DOCK2: variants seen among roughly 807,000 people sequenced by gnomAD.
DOCK2 encodes dedicator of cytokinesis protein 2.
In DOCK2, 87 loss-of-function variants were observed where a neutral mutation model predicts 248.9. That is an observed-to-expected ratio of 0.35 (90% CI 0.29 to 0.42). The LOEUF is 0.42. Ranked by LOEUF, DOCK2 falls within the 10% of genes least tolerant of loss-of-function variation. DOCK2 has a pLI of 1.00. For missense variants in DOCK2, 1,747 were observed against 2,300.2 expected (o/e 0.76, Z 4.92); for synonymous variants, 805 against 821.6 (o/e 0.98, Z 0.35).
chr5:169,876,957 G>A (rs1483161779), intron 27 of DOCK2, among the ~76,000 whole-genome samples: 1 of 152,204 alleles, frequency 6.6e-6, no homozygotes, highest in Non-Finnish European at 1.5e-5. Flanking sequence ...GCCATTTGCT[G>A]AAGGAAAGAA....
At chr5:170,037,848 G>T (rs778088493) in intron 36 of DOCK2, among the ~76,000 whole-genome samples, 1 of 152,150 alleles carries the variant, frequency 6.6e-6, no homozygotes, top group Non-Finnish European at 1.5e-5. Context: ...GAGCCCTTGA[G>T]GTAGAGTCAA....
chr5:170,038,870 C>T (rs999235083), intron 36 of DOCK2, among the ~76,000 whole-genome samples: 5 of 152,164 alleles, frequency 3.3e-5, no homozygotes, highest in Admixed American at 2.6e-4. Flanking sequence ...TTTTTGAACT[C>T]AGCCATCTAG....
chr5:169,729,412 G>A (rs1287293658), intron 22 of DOCK2, among the ~76,000 whole-genome samples: 4 of 152,140 alleles, frequency 2.6e-5, no homozygotes. Context: ...AGATTGAAAA[G>A]GACTTCATCA....
intron 27 of DOCK2, among the ~76,000 whole-genome samples, chr5:169,921,651 G>T (rs1775178773): frequency 6.6e-6 from 1 of 152,148 alleles, no homozygotes; most frequent in Non-Finnish European, 1.5e-5. Context: ...TCATCAAAGA[G>T]CCCTTACAGA....
intron 1 of DOCK2, among the ~76,000 whole-genome samples, chr5:169,650,912 G>T (rs1030202126): frequency 2.6e-4 from 39 of 152,190 alleles, no homozygotes; most frequent in African/African-American, 8.7e-4. Context: ...GAGTATTTGC[G>T]GGAATGGCCG....
rs115189414 is a variant in DOCK2 at position 169,898,616 on chromosome 5, A to G, written c.2799+57764A>G. On this transcript the variant is annotated intron_variant, in intron 27 of 51. Coordinates refer to ENST00000520908, the MANE Select transcript of DOCK2 (RefSeq NM_004946.3). Reference sequence around the variant, plus strand: ...AAAGAATGACAGTTAAGCTCTTAACATAGTGTCTATCTTATCTACTATATC... The same window carrying G: ...AAAGAATGACAGTTAAGCTCTTAACGTAGTGTCTATCTTATCTACTATATC... Among the ~76,000 whole-genome samples the G allele has an allele frequency of 9.5e-4, 145 of 152,342 alleles. 1 individual carries two copies. The highest frequency in any genetic ancestry group is 3.4e-3 in the African/African-American group (141 of 41,580).
chr5:169,794,553 C>G (rs261608), intron 25 of DOCK2, among the ~76,000 whole-genome samples: 1 of 151,962 alleles, frequency 6.6e-6, no homozygotes, highest in Non-Finnish European at 1.5e-5. Flanking sequence ...TATTGCATGT[C>G]GACTCTCAGA....
chr5:169,730,778 A>G (rs1284605362), intron 22 of DOCK2, among the ~76,000 whole-genome samples: 1 of 152,138 alleles, frequency 6.6e-6, no homozygotes, highest in Admixed American at 6.5e-5. Context: ...CACACTTACT[A>G]TTTTTAAGAG....
intron 42 of DOCK2, 94 bp from the exon 43 acceptor site, chr5:170,056,590 A>T: frequency 1.0e-6 from 1 of 983,340 alleles, no homozygotes; most frequent in Non-Finnish European, 1.6e-6. Context: ...CCTGAAGTTT[A>T]CTGTAATGAA....
intron 27 of DOCK2, chr5:169,883,209 A>C (rs17646221): frequency 0.54 from 833,161 of 1,551,010 alleles, 227,617 homozygotes; most frequent in Non-Finnish European, 0.56. Context: ...GTATGGAGTT[A>C]CTTACTTCAG....
At chr5:169,933,601 T>C (rs935773597) in intron 27 of DOCK2, among the ~76,000 whole-genome samples, 1 of 152,224 alleles carries the variant, frequency 6.6e-6, no homozygotes, top group Non-Finnish European at 1.5e-5. Flanking sequence ...GTCCAGCTCC[T>C]TCCCTTTTCT....
intron 28 of DOCK2, among the ~76,000 whole-genome samples, chr5:169,984,520 G>A (rs1350635749): frequency 6.6e-6 from 1 of 152,204 alleles, no homozygotes; most frequent in African/African-American, 2.4e-5. Context: ...AAGTGTTGAG[G>A]TAGTTTTCCC....
In DOCK2 at chr5:169,824,752, C is replaced by T. The variant is rs531467287; in HGVS notation, c.2704-16005C>T. On this transcript the variant is annotated intron_variant, in intron 26 of 51. Coordinates refer to ENST00000520908, the MANE Select transcript of DOCK2 (RefSeq NM_004946.3). ...CCTAAAACACCAAAAGCAATGGCAA[C>T]GAAAGCCAAAATTGACAAATGCAAT... 1.5e-4 allele frequency among the ~76,000 whole-genome samples: 23 copies of T among 152,312 alleles called. No homozygotes were observed. In the East Asian group the frequency reaches 3.3e-3, roughly 22 times the overall value.
intron 8 of DOCK2, among the ~76,000 whole-genome samples, chr5:169,688,569 C>T (rs1355734177): frequency 6.6e-6 from 1 of 152,130 alleles, no homozygotes; most frequent in African/African-American, 2.4e-5. Context: ...AATCTGAAAT[C>T]TAAAATATTC....
chr5:169,915,645 T>C lies in DOCK2; in HGVS notation c.2800-67423T>C, dbSNP rs567607875. Among the ~76,000 whole-genome samples the C allele has an allele frequency of 9.7e-4, 144 of 149,124 alleles. 2 individuals are homozygous for C. Among genetic ancestry groups the C allele is most frequent in the Middle Eastern group, 7.2e-3 (2 of 276 alleles). On this transcript the variant is annotated intron_variant, in intron 27 of 51. Transcript: ENST00000520908. ...GAGAGAGACAGAGACAGACAGAGAC[T>C]GAACAGATTATTTCTCCACTGATGT...
intron 27 of DOCK2, among the ~76,000 whole-genome samples, chr5:169,891,251 C>T (rs1271218365): frequency 6.6e-6 from 1 of 152,198 alleles, no homozygotes; most frequent in Non-Finnish European, 1.5e-5. Context: ...CCCTGACCCC[C>T]TCTCCCCTTC....
chr5:169,867,880 T>C (rs902766914), intron 27 of DOCK2, among the ~76,000 whole-genome samples: 3 of 152,156 alleles, frequency 2.0e-5, no homozygotes, highest in Non-Finnish European at 2.9e-5. Flanking sequence ...AACCCCTGCA[T>C]TGCAGCAAGG....
chr5:169,973,134 C>T (rs2113768317), intron 27 of DOCK2, among the ~76,000 whole-genome samples: 1 of 152,224 alleles, frequency 6.6e-6, no homozygotes, highest in Admixed American at 6.5e-5. Flanking sequence ...AGTAATCTTC[C>T]CTCCTGGAAG....
intron 27 of DOCK2, among the ~76,000 whole-genome samples, chr5:169,892,936 C>A (rs185187884): frequency 7.0e-4 from 106 of 152,046 alleles, no homozygotes; most frequent in Middle Eastern, 3.4e-3. Context: ...GCATGGCTCC[C>A]CATTTCATTT....
Sources: gnomAD v4.1 joint callset for allele counts (sites outside exome capture counted in the v4.1 genomes callset) on GRCh38, gnomAD v4.1.1 for gene constraint, MANE v1.5 for transcripts, NCBI Gene and HGNC (gene_info 2026-07-23, HGNC 2026-07-21) for gene names.